Variants in GABRR2 observed in about 807,000 individuals in gnomAD.
GABRR2 encodes the protein gamma-aminobutyric acid type A receptor subunit rho2, also known as gamma-aminobutyric acid receptor subunit rho-2.
In GABRR2, 36 loss-of-function variants were observed where a neutral mutation model predicts 47.0. The observed-to-expected ratio is 0.77, with a 90% CI of 0.59 to 1.01. The LOEUF is 1.01. Among genes scored for constraint, GABRR2 ranks in the 50% least tolerant of loss-of-function variants. The probability of loss-of-function intolerance (pLI) is 0.00; values close to 1 mark genes in which losing one functional copy is unlikely to be tolerated. For missense variants in GABRR2, 587 were observed against 594.6 expected, an observed-to-expected ratio of 0.99 and a Z score of 0.13; for synonymous variants, 204 against 227.5, an observed-to-expected ratio of 0.90 and a Z score of 0.93.
chr6:89,269,728 A>G (rs1253317745), intron 3 of GABRR2, among the ~76,000 whole-genome samples: 1 of 152,254 alleles, frequency 6.6e-6, no homozygotes, highest in Non-Finnish European at 1.5e-5. Flanking sequence ...ATCCCCATTC[A>G]TCACAGAATT....
At chr6:89,277,613 T>C (rs1774184678) in intron 2 of GABRR2, among the ~76,000 whole-genome samples, 1 of 126,638 alleles carries the variant, frequency 7.9e-6, no homozygotes, top group Non-Finnish European at 1.6e-5. Context: ...CACATGTATT[T>C]AACAAAAACA....
intron 8 of GABRR2, among the ~76,000 whole-genome samples, chr6:89,262,312 G>T (rs1773767795): frequency 6.6e-6 from 1 of 152,140 alleles, no homozygotes; most frequent in African/African-American, 2.4e-5. Context: ...TATGTTACAT[G>T]CACATTTGTT....
At chr6:89,272,581 A>G (rs73503935) in intron 2 of GABRR2, among the ~76,000 whole-genome samples, 5,690 of 152,294 alleles carry the variant, frequency 0.037, 363 homozygotes, top group African/African-American at 0.13. Context: ...ACCTGCATCT[A>G]TCAGGCGTGT....
rs576716894 is a variant in GABRR2 at position 89,283,403 on chromosome 6, T to C, written c.221-11681A>G. On this transcript the variant is annotated intron_variant, in intron 2 of 8. Transcript: ENST00000402938. ...TTTAAATATCCTTCAATAAGACAGT[T>C]GGCAAATAAAGTATGATAGATCCAT... Among the ~76,000 whole-genome samples the C allele has an allele frequency of 2.0e-4, 30 of 152,282 alleles. No individual in the cohort carries two copies. In the South Asian group the frequency reaches 5.6e-3, roughly 28 times the overall value.
At chr6:89,271,820 G>T in intron 2 of GABRR2, 98 bp from the exon 3 acceptor site, 1 of 854,956 alleles carries the variant, frequency 1.2e-6, no homozygotes, top group Non-Finnish European at 1.9e-6. Flanking sequence ...CAGGACTGGA[G>T]CAGAGTAGGG....
In GABRR2 at chr6:89,255,867, G is replaced by C. The variant is rs1773590478; in HGVS notation, c.*1803C>G. ...ACTTGAGTGTGGATGGTGTAACCAAGGAACTGAGTTTTCAATTTTATTTAA... is the reference window on the plus strand; with the variant it reads ...ACTTGAGTGTGGATGGTGTAACCAACGAACTGAGTTTTCAATTTTATTTAA... On this transcript the variant is annotated 3_prime_UTR_variant, in exon 9 of 9. Coordinates refer to ENST00000402938, the MANE Select transcript of GABRR2 (RefSeq NM_002043.5). Among the ~76,000 whole-genome samples, 1 of 151,948 alleles carries C rather than the reference G, an allele frequency of 6.6e-6. No homozygotes were observed.
At chr6:89,275,872 C>T (rs900816219) in intron 2 of GABRR2, among the ~76,000 whole-genome samples, 1 of 151,998 alleles carries the variant, frequency 6.6e-6, no homozygotes, top group Non-Finnish European at 1.5e-5. Flanking sequence ...TTGTAGGGTT[C>T]GCAGCTTAAA....
At chr6:89,310,972 C>T (rs1293916245) in intron 1 of GABRR2, among the ~76,000 whole-genome samples, 1 of 152,194 alleles carries the variant, frequency 6.6e-6, no homozygotes, top group Admixed American at 6.5e-5. Context: ...AATTTAACTT[C>T]CTCCCCTGTG....
intron 2 of GABRR2, among the ~76,000 whole-genome samples, chr6:89,277,111 G>C (rs962940704): frequency 6.6e-6 from 1 of 152,184 alleles, no homozygotes. Context: ...ATCCCCACTT[G>C]TCAGACCAGG....
rs113799788 is a variant in GABRR2 at position 89,315,293 on chromosome 6, G to T, written c.-128C>A. ...TGCTCTGAGGGGCTGTGAGGGCAAG[G>T]CTGGCCAGGCTAGTTGTCCCGATTT... On this transcript the variant is annotated 5_prime_UTR_variant, in exon 1 of 9. Coordinates refer to ENST00000402938, the MANE Select transcript of GABRR2 (RefSeq NM_002043.5). The T allele has an allele frequency of 7.7e-6, 12 of 1,553,990 alleles. No individual in the cohort carries two copies. In the South Asian group the frequency reaches 9.7e-5, roughly 13 times the overall value.
intron 6 of GABRR2, among the ~76,000 whole-genome samples, chr6:89,266,208 G>A (rs1415450162): frequency 6.6e-6 from 1 of 152,140 alleles, no homozygotes; most frequent in African/African-American, 2.4e-5. Flanking sequence ...AACTACAGGT[G>A]TGTGCCACCA....
intron 2 of GABRR2, among the ~76,000 whole-genome samples, chr6:89,285,596 T>A (rs1297440360): frequency 6.6e-6 from 1 of 152,088 alleles, no homozygotes; most frequent in Non-Finnish European, 1.5e-5. Flanking sequence ...CCAGGCCTGA[T>A]GAATCAGACA....
chr6:89,281,634 G>A (rs1774256000), intron 2 of GABRR2, among the ~76,000 whole-genome samples: 1 of 152,132 alleles, frequency 6.6e-6, no homozygotes, highest in African/African-American at 2.4e-5. Flanking sequence ...GTTAAGTGTG[G>A]AAAAGTTGTA....
intron 1 of GABRR2, 25 bp downstream of exon 1, chr6:89,315,028 C>G: frequency 6.2e-7 from 1 of 1,602,428 alleles, no homozygotes. Flanking sequence ...GGGTAACCTC[C>G]CTCCTTTCCC....
chr6:89,301,876 C>T, intron 1 of GABRR2: 1 of 1,145,800 alleles, frequency 8.7e-7, no homozygotes, highest in Non-Finnish European at 1.3e-6. Context: ...TGGCATAGAC[C>T]CCAGCGGCAA....
intron 2 of GABRR2, among the ~76,000 whole-genome samples, chr6:89,280,328 T>C (rs1164127283): frequency 6.6e-6 from 1 of 150,468 alleles, no homozygotes; most frequent in Non-Finnish European, 1.5e-5. Flanking sequence ...CTAACTCACT[T>C]ACCTAGAGGA....
chr6:89,280,406 G>A (rs1240752554), intron 2 of GABRR2, among the ~76,000 whole-genome samples: 3 of 151,818 alleles, frequency 2.0e-5, no homozygotes, highest in Non-Finnish European at 2.9e-5. Context: ...GGTCTGAAGG[G>A]GGCTGAATAC....
chr6:89,302,015 G>C, intron 1 of GABRR2: 1 of 689,576 alleles, frequency 1.5e-6, no homozygotes. Context: ...TGTCGGCTCG[G>C]GGCCTTTTGG....
At chr6:89,290,997 C>T (rs1358065360) in intron 2 of GABRR2, among the ~76,000 whole-genome samples, 2 of 152,188 alleles carry the variant, frequency 1.3e-5, no homozygotes, top group African/African-American at 4.8e-5. Context: ...CGTAAACGCA[C>T]TTTCACTAGG....
Sources: allele counts gnomAD v4.1 joint callset (sites outside exome capture counted in the v4.1 genomes callset), GRCh38; gene constraint gnomAD v4.1.1; transcripts MANE v1.5; gene names NCBI Gene and HGNC (gene_info 2026-07-23, HGNC 2026-07-21).